TTC29: variants seen among roughly 807,000 people sequenced by gnomAD.
TTC29 encodes the protein tetratricopeptide repeat protein 29.
In TTC29, 49 loss-of-function variants were observed where a neutral mutation model predicts 58.1. That is an observed-to-expected ratio of 0.84 (90% CI 0.67 to 1.07). The LOEUF (loss-of-function observed/expected upper bound fraction) is 1.07. Among genes scored for constraint, TTC29 ranks in the 50% least tolerant of loss-of-function variants. TTC29 has a pLI of 0.00. For missense variants in TTC29, 582 were observed against 555.6 expected, an observed-to-expected ratio of 1.05 and a Z score of -0.48; for synonymous variants, 209 against 196.8, an observed-to-expected ratio of 1.06 and a Z score of -0.52.
At chr4:146,942,413 A>G (rs540734304) in intron 2 of TTC29, among the ~76,000 whole-genome samples, 151 of 152,348 alleles carry the variant, frequency 9.9e-4, no homozygotes, top group African/African-American at 3.5e-3. Flanking sequence ...AATTTTTTTA[A>G]TTTAAAAAAT....
At chr4:146,868,316 T>C (rs1053411156) in intron 7 of TTC29, among the ~76,000 whole-genome samples, 12 of 152,072 alleles carry the variant, frequency 7.9e-5, no homozygotes, top group Admixed American at 7.9e-4. Context: ...GGCACCTGTA[T>C]ACATATGTAA....
At chr4:146,759,781 T>C (rs983233421) in intron 11 of TTC29, among the ~76,000 whole-genome samples, 2 of 152,086 alleles carry the variant, frequency 1.3e-5, no homozygotes, top group Non-Finnish European at 2.9e-5. Flanking sequence ...ACAAGGGACA[T>C]ACCTTAATGT....
At chr4:146,810,454 T>C (rs1046179712) in intron 10 of TTC29, among the ~76,000 whole-genome samples, 3 of 152,174 alleles carry the variant, frequency 2.0e-5, no homozygotes, top group African/African-American at 7.2e-5. Context: ...ATATTGGCAG[T>C]TTCATATGGT....
chr4:146,859,416 T>C lies in TTC29; in HGVS notation c.885+8082A>G, dbSNP rs142364812. ...CATTTTTTTCTTCTGACATACACTT[T>C]TCAAGAATTTCTTACATATAGTGTA... On this transcript the variant is annotated intron_variant, in intron 8 of 12. Transcript: ENST00000325106. 3.3e-3 allele frequency among the ~76,000 whole-genome samples: 499 copies of C among 152,234 alleles called. 2 individuals are homozygous for C. The highest frequency in any genetic ancestry group is 5.5e-3 in the Non-Finnish European group (376 of 68,012).
intron 10 of TTC29, among the ~76,000 whole-genome samples, chr4:146,816,037 T>A (rs1204296800): frequency 6.6e-6 from 1 of 152,214 alleles, no homozygotes; most frequent in African/African-American, 2.4e-5. Flanking sequence ...GTGTATTTAA[T>A]TCTCCGATTT....
At chr4:146,880,936 G>A (rs973771082) in intron 6 of TTC29, among the ~76,000 whole-genome samples, 1 of 152,018 alleles carries the variant, frequency 6.6e-6, no homozygotes, top group Non-Finnish European at 1.5e-5. Context: ...ATTACTTGAA[G>A]GGGGAGGGAA....
intron 3 of TTC29, among the ~76,000 whole-genome samples, chr4:146,938,262 A>G (rs982339769): frequency 6.6e-6 from 1 of 152,182 alleles, no homozygotes; most frequent in Non-Finnish European, 1.5e-5. Context: ...AAAAATAAGC[A>G]TGCTATCAAC....
chr4:146,728,129 A>G (rs1006642683), intron 11 of TTC29, among the ~76,000 whole-genome samples: 1 of 151,978 alleles, frequency 6.6e-6, no homozygotes, highest in East Asian at 1.9e-4. Context: ...TCTACTAAAA[A>G]TACAAAAATT....
intron 11 of TTC29, among the ~76,000 whole-genome samples, chr4:146,798,277 T>C (rs1385683666): frequency 6.6e-6 from 1 of 152,010 alleles, no homozygotes; most frequent in African/African-American, 2.4e-5. Context: ...CAGCGGGGGA[T>C]AGGGTAGGGT....
At chr4:146,930,106 T>TATACAC (rs1735225632) in intron 4 of TTC29, among the ~76,000 whole-genome samples, 4 of 128,318 alleles carry the variant, frequency 3.1e-5, no homozygotes, top group African/African-American at 1.3e-4. Flanking sequence ...TATATATATA[T>TATACAC]ATATATATAT....
chr4:146,873,261 C>G (rs1352031738), intron 7 of TTC29, among the ~76,000 whole-genome samples: 1 of 152,058 alleles, frequency 6.6e-6, no homozygotes, highest in Admixed American at 6.6e-5. Context: ...ATGCTTTGTC[C>G]CAGAATATTT....
intron 11 of TTC29, among the ~76,000 whole-genome samples, chr4:146,739,908 G>C (rs1467431905): frequency 6.6e-6 from 1 of 152,158 alleles, no homozygotes; most frequent in Non-Finnish European, 1.5e-5. Context: ...AGGTAGGTGT[G>C]GCTGGGACTA....
intron 11 of TTC29, among the ~76,000 whole-genome samples, chr4:146,801,827 A>C (rs1222535957): frequency 6.6e-6 from 1 of 151,528 alleles, no homozygotes; most frequent in African/African-American, 2.4e-5. Flanking sequence ...ATACAAAAAA[A>C]ATTAGCCGGG....
chr4:146,809,715 T>C (rs1750880288), intron 10 of TTC29, among the ~76,000 whole-genome samples: 1 of 150,040 alleles, frequency 6.7e-6, no homozygotes, highest in Non-Finnish European at 1.5e-5. Flanking sequence ...CACAATGAGA[T>C]ACCATCTCAT....
intron 8 of TTC29, among the ~76,000 whole-genome samples, chr4:146,862,837 C>A (rs1730325035): frequency 1.3e-5 from 2 of 152,214 alleles, no homozygotes; most frequent in Non-Finnish European, 1.5e-5. Context: ...ACCAACTAAA[C>A]CTGGGCCAGG....
intron 11 of TTC29, among the ~76,000 whole-genome samples, chr4:146,741,640 C>T (rs759445975): frequency 2.6e-5 from 4 of 152,168 alleles, no homozygotes; most frequent in Non-Finnish European, 4.4e-5. Context: ...TCCTCCTCTA[C>T]ATTGCCACAG....
At chr4:146,812,339 C>T (rs1200204996) in intron 10 of TTC29, among the ~76,000 whole-genome samples, 2 of 151,722 alleles carry the variant, frequency 1.3e-5, no homozygotes, top group African/African-American at 4.8e-5. Flanking sequence ...AATTAGAGAC[C>T]ACAAATAAGT....
chr4:146,903,427 A>G lies in TTC29; in HGVS notation c.586+117T>C, dbSNP rs1036686042. ...GGTTTTGCTTTTTGATCTCAATAAT[A>G]TACATGATTATGCTGAAATCTCAGG... On this transcript the variant is annotated intron_variant, in intron 6 of 12. Transcript: ENST00000325106. 6 of 925,296 alleles carry G rather than the reference A, an allele frequency of 6.5e-6. No homozygotes were observed. The African/African-American group carries it at 1.0e-4, about 16-fold the overall frequency. The allele number at this position is 925,296 out of a possible 1,614,324, so 57.3% of individuals were successfully genotyped here.
At chr4:146,860,438 A>C (rs1730153027) in intron 8 of TTC29, among the ~76,000 whole-genome samples, 1 of 152,102 alleles carries the variant, frequency 6.6e-6, no homozygotes, top group African/African-American at 2.4e-5. Flanking sequence ...ATTTTTTCTG[A>C]TACAGTAGCT....
Sources: gnomAD v4.1 joint callset for allele counts (sites outside exome capture counted in the v4.1 genomes callset) on GRCh38, gnomAD v4.1.1 for gene constraint, MANE v1.5 for transcripts, NCBI Gene and HGNC (gene_info 2026-07-23, HGNC 2026-07-21) for gene names.